Variants in CREB3L2 observed in about 807,000 individuals in gnomAD.
The protein encoded by CREB3L2 is cAMP responsive element binding protein 3 like 2.
CREB3L2 carries 23 observed loss-of-function variants against 57.2 expected under a neutral mutation model. The observed-to-expected ratio is 0.40, with a 90% CI of 0.29 to 0.57. The LOEUF (loss-of-function observed/expected upper bound fraction) is 0.57. CREB3L2 is among the 20% of genes least tolerant of loss of function. The pLI is 0.42. For synonymous variants in CREB3L2, 268 were observed against 265.1 expected, an observed-to-expected ratio of 1.01 and a Z score of -0.11; for missense variants, 628 against 634.7, an observed-to-expected ratio of 0.99 and a Z score of 0.11.
intron 8 of CREB3L2, among the ~76,000 whole-genome samples, chr7:137,892,322 G>A (rs2117186126): frequency 6.7e-6 from 1 of 149,234 alleles, no homozygotes; most frequent in South Asian, 2.2e-4. Flanking sequence ...AAAAGCCTGA[G>A]TGTTACTTAT....
Position 137,876,431 on chromosome 7 carries a change from A to T in CREB3L2, c.*4045T>A, listed in dbSNP as rs1445328810. On this transcript the variant is annotated 3_prime_UTR_variant, in exon 12 of 12. Coordinates refer to ENST00000330387, the MANE Select transcript of CREB3L2 (RefSeq NM_194071.4). ...TGGGTCTTTTGAATAACTATTATTA[A>T]TGTTTCCTCAATCCCTTCTATTCCC... is the stretch of plus-strand genomic sequence containing the variant. The T allele has an allele frequency of 4.3e-6, 1 of 232,420 alleles. No individual in the cohort carries two copies. Among genetic ancestry groups the T allele is most frequent in the Non-Finnish European group, 8.5e-6 (1 of 117,816 alleles). The allele number at this position is 232,420 out of a possible 1,614,324, so 14.4% of individuals were successfully genotyped here. A position where few individuals can be genotyped will look rare whatever the true frequency, so the allele number is the denominator to read the frequency against.
chr7:137,928,113 C>T (rs893296075), intron 2 of CREB3L2, 37 bp downstream of exon 2: 9 of 1,495,636 alleles, frequency 6.0e-6, no homozygotes, highest in African/African-American at 2.8e-5. Flanking sequence ...GAACCAAAGG[C>T]GCTAAGGTCC....
intron 4 of CREB3L2, among the ~76,000 whole-genome samples, chr7:137,909,703 G>A (rs559302047): frequency 6.6e-6 from 1 of 152,094 alleles, no homozygotes; most frequent in Non-Finnish European, 1.5e-5. Context: ...GGATGGGAAG[G>A]GCTCTCCTGA....
chr7:137,912,132 T>C (rs539501434), intron 4 of CREB3L2, among the ~76,000 whole-genome samples: 1 of 152,228 alleles, frequency 6.6e-6, no homozygotes, highest in African/African-American at 2.4e-5. Flanking sequence ...ATCCCAGGAC[T>C]TCAGGAGGCC....
Position 137,946,988 on chromosome 7 carries a change from T to TTATATATATAGTTATATATATATAGTTA in CREB3L2, c.103-18650_103-18623dup, listed in dbSNP as rs1180368014. The stretch of plus-strand genomic sequence containing the variant: ...TATATATATAGTTATATATATATAG[T>TTATATATATAGTTATATATATATAGTTA]TATATATATAGTTATATATATATAG... On this transcript the variant is annotated intron_variant, in intron 1 of 11. Coordinates refer to ENST00000330387, the MANE Select transcript of CREB3L2 (RefSeq NM_194071.4). Among the ~76,000 whole-genome samples the TTATATATATAGTTATATATATATAGTTA allele has an allele frequency of 5.0e-5, 6 of 119,766 alleles. No individual in the cohort carries two copies. In the Admixed American group the frequency reaches 5.2e-4, roughly 10 times the overall value. The allele number at this position is 119,766 out of a possible 152,430, so 78.6% of individuals were successfully genotyped here. A position where few individuals can be genotyped will look rare whatever the true frequency, so the allele number is the denominator to read the frequency against.
intron 1 of CREB3L2, among the ~76,000 whole-genome samples, chr7:137,988,989 G>C (rs1261318193): frequency 2.6e-5 from 4 of 151,086 alleles, no homozygotes; most frequent in African/African-American, 7.3e-5. Flanking sequence ...GGGAGGGAAG[G>C]AAAAGAAAGA....
At chr7:137,992,772 A>G (rs1342913878) in intron 1 of CREB3L2, among the ~76,000 whole-genome samples, 1 of 152,240 alleles carries the variant, frequency 6.6e-6, no homozygotes, top group Non-Finnish European at 1.5e-5. Context: ...AAGCCAAAGC[A>G]AAAACGAGTT....
chr7:137,912,782 A>T, intron 4 of CREB3L2: 1 of 1,431,562 alleles, frequency 7.0e-7, no homozygotes, highest in Non-Finnish European at 9.4e-7. Flanking sequence ...GCTGAAATTT[A>T]ATCACGTGCA....
In CREB3L2 at chr7:137,878,768, A is replaced by AC. The variant is rs1799214042; in HGVS notation, c.*1707dup. ...CACAGGGAGCCCCAAATGGGCCTAG[A>AC]CAGACAAGGCAGGGACCGACTTATG... is the stretch of plus-strand genomic sequence containing the variant. On this transcript the variant is annotated 3_prime_UTR_variant, in exon 12 of 12. Transcript: ENST00000330387. The AC allele has an allele frequency of 4.1e-6, 1 of 245,654 alleles. No individual in the cohort carries two copies. 15.2% of individuals were successfully genotyped at this position (245,654 alleles called of 1,614,324 possible).
At chr7:137,981,908 G>A (rs1763594038) in intron 1 of CREB3L2, among the ~76,000 whole-genome samples, 1 of 152,204 alleles carries the variant, frequency 6.6e-6, no homozygotes, top group Non-Finnish European at 1.5e-5. Context: ...AGCTTTTGGG[G>A]GAAGAGCTCT....
chr7:137,938,362 T>C (rs56384334), intron 1 of CREB3L2, among the ~76,000 whole-genome samples: 3,964 of 152,258 alleles, frequency 0.026, 143 homozygotes, highest in African/African-American at 0.081. Context: ...TGTTTGTTTT[T>C]TGAGACAGAG....
intron 1 of CREB3L2, among the ~76,000 whole-genome samples, chr7:137,955,596 C>T (rs1197316110): frequency 6.6e-6 from 1 of 152,130 alleles, no homozygotes; most frequent in Admixed American, 6.6e-5. Flanking sequence ...CCCTGAAATC[C>T]ACCACCTCGA....
In CREB3L2 at chr7:137,879,179, C is replaced by CAA; in HGVS notation, c.*1295_*1296dup. On this transcript the variant is annotated 3_prime_UTR_variant, in exon 12 of 12. Coordinates refer to ENST00000330387, the MANE Select transcript of CREB3L2 (RefSeq NM_194071.4). Reference sequence around the variant, plus strand: ...GTTACTTTTAACCATAAAAAAAAAACAAAAAAACTAAAAGTAGGTTGGGGA... The same window carrying CAA: ...GTTACTTTTAACCATAAAAAAAAAACAAAAAAAAACTAAAAGTAGGTTGGGGA... The CAA allele has an allele frequency of 1.4e-5, 7 of 506,862 alleles. No individual in the cohort carries two copies. The highest frequency in any genetic ancestry group is 1.0e-4 in the South Asian group (6 of 59,190). 31.4% of individuals were successfully genotyped at this position (506,862 alleles called of 1,614,324 possible). A position where few individuals can be genotyped will look rare whatever the true frequency, so the allele number is the denominator to read the frequency against.
chr7:137,906,291 A>G (rs918218029), intron 5 of CREB3L2, among the ~76,000 whole-genome samples: 4 of 152,160 alleles, frequency 2.6e-5, no homozygotes, highest in Admixed American at 1.3e-4. Context: ...ACAGGAGTCA[A>G]TTCTCTCCTC....
rs7790329 is a variant in CREB3L2, at chr7:137,889,832, T to C, written c.1044-4330A>G. ...AAATGAACAATGACAGAGTACTGAG[T>C]GCCTACTACTTGAGTTCCAAGAACT... On this transcript the variant is annotated intron_variant, in intron 8 of 11. Coordinates refer to ENST00000330387, the MANE Select transcript of CREB3L2 (RefSeq NM_194071.4). 5.3e-3 allele frequency among the ~76,000 whole-genome samples: 802 copies of C among 152,284 alleles called. 7 individuals are homozygous for C. Among genetic ancestry groups the C allele is most frequent in the African/African-American group, 0.017 (697 of 41,554 alleles).
chr7:137,905,404 A>C (rs1799864113), intron 6 of CREB3L2, among the ~76,000 whole-genome samples: 2 of 151,396 alleles, frequency 1.3e-5, no homozygotes, highest in Admixed American at 6.6e-5. Context: ...AAAAAAAAAA[A>C]AAAAAACTAG....
intron 1 of CREB3L2, among the ~76,000 whole-genome samples, chr7:137,955,814 C>T (rs1030607737): frequency 1.3e-5 from 2 of 152,156 alleles, no homozygotes; most frequent in East Asian, 1.9e-4. Flanking sequence ...TTATATCCTA[C>T]TGCTCAAGGT....
chr7:137,955,777 C>G (rs1298590908), intron 1 of CREB3L2, among the ~76,000 whole-genome samples: 1 of 152,172 alleles, frequency 6.6e-6, no homozygotes, highest in East Asian at 1.9e-4. Context: ...TGTTCCATTA[C>G]TGGAACACTA....
chr7:137,972,684 C>CAAAAAAAAAAAAA (rs58627909), intron 1 of CREB3L2, among the ~76,000 whole-genome samples: 2 of 9,644 alleles, frequency 2.1e-4, no homozygotes, highest in African/African-American at 2.8e-4. Flanking sequence ...CCCGTCTCTA[C>CAAAAAAAAAAAAA]AAAAAAAAAA....
Sources: gnomAD v4.1 joint callset for allele counts (sites outside exome capture counted in the v4.1 genomes callset) on GRCh38, gnomAD v4.1.1 for gene constraint, MANE v1.5 for transcripts, NCBI Gene and HGNC (gene_info 2026-07-23, HGNC 2026-07-21) for gene names.